TSHZ3: variants seen among roughly 807,000 people sequenced by gnomAD.
The protein encoded by TSHZ3 is teashirt zinc finger homeobox 3.
In TSHZ3, 10 loss-of-function variants were observed where a neutral mutation model predicts 64.5. That is an observed-to-expected ratio of 0.16 (90% CI 0.10 to 0.26). TSHZ3 has a LOEUF of 0.26. Among genes scored for constraint, TSHZ3 ranks in the 10% least tolerant of loss-of-function variants. TSHZ3 has a pLI of 1.00. For synonymous variants in TSHZ3, 608 were observed against 593.1 expected (o/e 1.03, Z -0.36); for missense variants, 1,242 against 1,421.7 (o/e 0.87, Z 2.03).
At chr19:31,240,700 A>T (rs1975676374) in intron 3 of TSHZ3, among the ~76,000 whole-genome samples, 1 of 151,962 alleles carries the variant, frequency 6.6e-6, no homozygotes, top group Admixed American at 6.6e-5. Flanking sequence ...GGTTCTGTTT[A>T]TTTTTTTTAA....
intron 1 of TSHZ3, among the ~76,000 whole-genome samples, chr19:31,263,150 C>G (rs1231084029): frequency 6.6e-6 from 1 of 152,112 alleles, no homozygotes. Flanking sequence ...ATGGCTGGCT[C>G]AGAATTGCAG....
At position 31,181,430 on chromosome 19, in the gene TSHZ3, G is replaced by C. The variant is rs545255728; in HGVS notation, n.809+23526C>G. ...GTACCATCTGAGCAGAGAGAAGAAG[G>C]GTTTTCTCCATGTCTAAGGGGTTTC... On this transcript the variant is annotated intron_variant and non_coding_transcript_variant, in intron 5 of 6. Transcript: ENST00000651361. Among the ~76,000 whole-genome samples the C allele has an allele frequency of 5.3e-5, 8 of 152,088 alleles. No homozygotes were observed. The South Asian group carries it at 8.3e-4, about 16-fold the overall frequency.
intron 1 of TSHZ3, among the ~76,000 whole-genome samples, chr19:31,246,387 A>G (rs1205679583): frequency 6.6e-6 from 1 of 152,268 alleles, no homozygotes; most frequent in Non-Finnish European, 1.5e-5. Context: ...CAATTCACAT[A>G]AATTTGACAG....
intron 1 of TSHZ3, among the ~76,000 whole-genome samples, chr19:31,260,296 A>G (rs570737731): frequency 6.6e-6 from 1 of 152,120 alleles, no homozygotes; most frequent in African/African-American, 2.4e-5. Context: ...ATCCTCGTCT[A>G]TGTCTGGTCA....
chr19:31,204,725 T>A (rs1303219355), intron 5 of TSHZ3: 1 of 152,304 alleles, frequency 6.6e-6, no homozygotes, highest in Non-Finnish European at 1.5e-5. Flanking sequence ...CGTCCTGAGT[T>A]GTCTTTCCTG....
intron 1 of TSHZ3, among the ~76,000 whole-genome samples, chr19:31,315,220 T>C (rs1916568294): frequency 6.6e-6 from 1 of 152,244 alleles, no homozygotes; most frequent in Admixed American, 6.5e-5. Context: ...TGATATTTAT[T>C]TTTTGTTTCT....
At chr19:31,180,144 C>G (rs1357936915) in intron 5 of TSHZ3, among the ~76,000 whole-genome samples, 3 of 152,062 alleles carry the variant, frequency 2.0e-5, no homozygotes, top group African/African-American at 7.2e-5. Context: ...AGTTTAGTAT[C>G]TGATTATTAC....
chr19:31,180,854 T>G (rs887014044), intron 5 of TSHZ3, among the ~76,000 whole-genome samples: 1 of 152,156 alleles, frequency 6.6e-6, no homozygotes, highest in African/African-American at 2.4e-5. Flanking sequence ...AGGCTCACGC[T>G]GGGGCAGGCA....
At chr19:31,269,906 C>G (rs551357930) in intron 1 of TSHZ3, among the ~76,000 whole-genome samples, 1 of 152,194 alleles carries the variant, frequency 6.6e-6, no homozygotes, top group African/African-American at 2.4e-5. Context: ...CCAGTACCCC[C>G]GCATGGAGGC....
At chr19:31,257,318 GTGTC>G (rs1262255650) in intron 1 of TSHZ3, among the ~76,000 whole-genome samples, 1 of 152,226 alleles carries the variant, frequency 6.6e-6, no homozygotes, top group Non-Finnish European at 1.5e-5. Context: ...GCCAACCAGA[GTGTC>G]TGAGCGACTC....
intron 5 of TSHZ3, among the ~76,000 whole-genome samples, chr19:31,198,356 C>A (rs1975022383): frequency 1.3e-5 from 2 of 152,126 alleles, no homozygotes; most frequent in South Asian, 4.1e-4. Flanking sequence ...AAACTCAAAG[C>A]TTTCCCACTA....
intron 1 of TSHZ3, among the ~76,000 whole-genome samples, chr19:31,262,307 T>G (rs1380470207): frequency 6.6e-6 from 1 of 152,208 alleles, no homozygotes; most frequent in Non-Finnish European, 1.5e-5. Flanking sequence ...ATGGACAAAA[T>G]TGTTGTATCT....
In TSHZ3 at chr19:31,276,992, T is replaced by A; in HGVS notation, c.2801A>T (p.His934Leu). The A allele has an allele frequency of 6.2e-7, 1 of 1,613,272 alleles. No homozygotes were observed. Among genetic ancestry groups the A allele is most frequent in the Non-Finnish European group, 8.5e-7 (1 of 1,179,338 alleles). ...GGACAGCCCGGTGAACCTGGAGATATGCATCCGCTCCTGGGGGCTCAGGTC... is the reference window on the plus strand; with the variant it reads ...GGACAGCCCGGTGAACCTGGAGATAAGCATCCGCTCCTGGGGGCTCAGGTC... ...MSDLSPQERM[H>L]ISRFTGLSMT... Residue 934 changes from histidine to leucine, a missense_variant, in exon 2 of 2, where the codon CAT becomes CTT. His to Leu is a moderately conservative substitution (Grantham distance 99). This residue lies in a region of TSHZ3 where 550 missense variants were observed against 545.1 expected (regional missense o/e 1.01). Transcript: ENST00000240587.
At position 31,228,059 on chromosome 19, in the gene TSHZ3, A is replaced by T. The variant is rs532561390; in HGVS notation, n.632T>A. On this transcript the variant is annotated non_coding_transcript_exon_variant, in exon 4 of 7. Coordinates refer to the TSHZ3 transcript ENST00000651361. The stretch of plus-strand genomic sequence containing the variant: ...CTTCCCATGGCCATTCTCACTCCTA[A>T]CATTCTCCGTGGAACATCTAGAGTC... Among the ~76,000 whole-genome samples the T allele has an allele frequency of 5.3e-5, 8 of 152,182 alleles. No individual in the cohort carries two copies. In the South Asian group the frequency reaches 1.7e-3, roughly 32 times the overall value.
intron 1 of TSHZ3, among the ~76,000 whole-genome samples, chr19:31,248,832 G>GAAAAA (rs1975794677): frequency 6.7e-6 from 1 of 148,900 alleles, no homozygotes. Flanking sequence ...AAAAGAAAAA[G>GAAAAA]AAAAATATCT....
chr19:31,309,542 T>A (rs1480893393), intron 1 of TSHZ3, among the ~76,000 whole-genome samples: 1 of 152,118 alleles, frequency 6.6e-6, no homozygotes. Flanking sequence ...TTGGGAACCA[T>A]CAAGTCAGCA....
In TSHZ3 at chr19:31,279,604, C is replaced by T. The variant is rs1335895835; in HGVS notation, c.189G>A (p.Pro63=). 5.0e-6 allele frequency: 8 copies of T among 1,612,038 alleles called. No individual in the cohort carries two copies. Among genetic ancestry groups the T allele is most frequent in the African/African-American group, 2.7e-5 (2 of 75,028 alleles). Residue 63 remains proline (P), a synonymous_variant, in exon 2 of 2, where the codon CCG becomes CCA. Coordinates refer to ENST00000240587, the MANE Select transcript of TSHZ3 (RefSeq NM_020856.4). This position sits in a 1 kb window ranked among gnomAD's most constrained non-coding sequence, Gnocchi z 6.4. ...ARACPSYQNS[P]AAEFSCHEMD... is the part of the protein sequence containing the mutation. Reference sequence around the variant, plus strand: ...TTTCATGGCAGGAAAACTCGGCGGCCGGGGAGTTCTGGTAGCTGGGGCAGG... The same window carrying T: ...TTTCATGGCAGGAAAACTCGGCGGCTGGGGAGTTCTGGTAGCTGGGGCAGG...
chr19:31,339,961 A>G (rs1917382092), intron 1 of TSHZ3, among the ~76,000 whole-genome samples: 1 of 151,982 alleles, frequency 6.6e-6, no homozygotes, highest in Non-Finnish European at 1.5e-5. Flanking sequence ...CCTTTTATTT[A>G]TTTATTTTTT....
chr19:31,298,428 C>A (rs1052055900), intron 1 of TSHZ3, among the ~76,000 whole-genome samples: 5 of 151,978 alleles, frequency 3.3e-5, no homozygotes, highest in Non-Finnish European at 5.9e-5. Flanking sequence ...AAAAGTTGAC[C>A]CCATAGAAGA....
Sources: gnomAD v4.1 joint callset for allele counts (sites outside exome capture counted in the v4.1 genomes callset) on GRCh38, gnomAD v4.1.1 for gene constraint, gnomAD v4.1.1 regional missense constraint, Gnocchi (gnomAD v3.1) non-coding constraint, MANE v1.5 for transcripts, NCBI Gene and HGNC (gene_info 2026-07-23, HGNC 2026-07-21) for gene names.